USP48: variants seen among roughly 807,000 people sequenced by gnomAD.
The protein encoded by USP48 is ubiquitin carboxyl-terminal hydrolase 48.
Under a neutral mutation model 150.7 loss-of-function variants are expected in USP48, and 43 were observed. The observed-to-expected ratio is 0.29, with a 90% CI of 0.22 to 0.37. The LOEUF is 0.37. USP48 is among the 10% of genes least tolerant of loss of function. The probability of loss-of-function intolerance (pLI) is 1.00; values close to 1 mark genes in which losing one functional copy is unlikely to be tolerated. For missense variants in USP48, 813 were observed against 1,249.6 expected, an observed-to-expected ratio of 0.65 and a Z score of 5.27; for synonymous variants, 396 against 425.9, an observed-to-expected ratio of 0.93 and a Z score of 0.86.
chr1:21,711,872 A>C (rs1038279185), intron 15 of USP48, among the ~76,000 whole-genome samples: 1 of 152,266 alleles, frequency 6.6e-6, no homozygotes, highest in African/African-American at 2.4e-5. Context: ...TGGTACGTCC[A>C]GAGCACTACC....
chr1:21,776,896 G>A (rs1285647023), intron 1 of USP48, among the ~76,000 whole-genome samples: 7 of 150,342 alleles, frequency 4.7e-5, no homozygotes, highest in Non-Finnish European at 1.0e-4. Flanking sequence ...GCAGTGAGCC[G>A]AGTTTGTGCC....
At position 21,756,700 on chromosome 1, in the gene USP48, G is replaced by C. The variant is rs751658092; in HGVS notation, c.258C>G (p.Asn86Lys). The change falls in exon 3 of 27, where the codon AAC becomes AAG. Residue 86 changes from asparagine (N) to lysine (K), a missense_variant and splice_region_variant. Physicochemically the swap from Asn to Lys is moderately conservative, Grantham distance 94. Transcript: ENST00000308271. ...DDPNCERRKK[N>K]SFVGLTNLGA... ...CAAGGTTAGTCAGGCCCACAAATGA[G>C]TTCTACAAAAATACAAAATTCATAA... The C allele has an allele frequency of 6.2e-7, 1 of 1,612,948 alleles. No individual in the cohort carries two copies. Among genetic ancestry groups the C allele is most frequent in the South Asian group, 1.1e-5 (1 of 90,886 alleles).
intron 1 of USP48, among the ~76,000 whole-genome samples, chr1:21,773,962 AC>A (rs1368081610): frequency 6.6e-6 from 1 of 152,058 alleles, no homozygotes; most frequent in Non-Finnish European, 1.5e-5. Flanking sequence ...GCAAAGCAAG[AC>A]CCCATCTCTA....
chr1:21,699,771 C>T (rs1410061864), intron 22 of USP48, among the ~76,000 whole-genome samples: 1 of 151,850 alleles, frequency 6.6e-6, no homozygotes, highest in African/African-American at 2.4e-5. Flanking sequence ...CCGCCTCGGC[C>T]TTCCAAAATG....
At position 21,706,763 on chromosome 1, in the gene USP48, T is replaced by C; in HGVS notation, c.2069A>G (p.Glu690Gly). The part of the protein sequence containing the change: ...PKAPEFPSYK[E>G]CCSQCKILER... ...CAGTACCTTGCACTGTGAACAGCACTCTTTGTAACTTGGAAACTCAGGAGC... is the reference window on the plus strand; with the variant it reads ...CAGTACCTTGCACTGTGAACAGCACCCTTTGTAACTTGGAAACTCAGGAGC... The change falls in exon 16 of 27, where the codon GAG becomes GGG. Residue 690 changes from glutamate (E) to glycine (G), a missense_variant. Transcript: ENST00000308271. The C allele has an allele frequency of 6.2e-7, 1 of 1,612,782 alleles. No individual in the cohort carries two copies. Among genetic ancestry groups the C allele is most frequent in the Non-Finnish European group, 8.5e-7 (1 of 1,179,668 alleles).
chr1:21,750,556 T>C (rs1329148152), intron 6 of USP48, among the ~76,000 whole-genome samples: 3 of 152,116 alleles, frequency 2.0e-5, no homozygotes, highest in Non-Finnish European at 2.9e-5. Context: ...GCTGAAACAC[T>C]GCCTGACACA....
intron 14 of USP48, among the ~76,000 whole-genome samples, chr1:21,716,865 A>G (rs1379307330): frequency 6.6e-6 from 1 of 152,062 alleles, no homozygotes; most frequent in African/African-American, 2.4e-5. Context: ...CGTCTCTACT[A>G]AAAATACAAA....
At chr1:21,780,356 A>G (rs1167826913) in intron 1 of USP48, among the ~76,000 whole-genome samples, 1 of 152,150 alleles carries the variant, frequency 6.6e-6, no homozygotes, top group African/African-American at 2.4e-5. Flanking sequence ...AGAAATCCAG[A>G]GACAGAAAGT....
chr1:21,756,157 C>A (rs1306413047), intron 3 of USP48, among the ~76,000 whole-genome samples: 3 of 149,382 alleles, frequency 2.0e-5, no homozygotes, highest in African/African-American at 7.4e-5. Context: ...AAGTGTGAAA[C>A]TGTCTTAAAA....
chr1:21,724,137 G>GT (rs755766555), intron 11 of USP48, 42 bp from the exon 12 acceptor site: 51 of 1,586,224 alleles, frequency 3.2e-5, no homozygotes, highest in Non-Finnish European at 4.4e-5. Context: ...TATTTTTACA[G>GT]TTTTTTGACT....
At position 21,733,299 on chromosome 1, in the gene USP48, C is replaced by G. The variant is rs1230178185; in HGVS notation, c.1171+3147G>C. On this transcript the variant is annotated intron_variant, in intron 9 of 26. Coordinates refer to ENST00000308271, the MANE Select transcript of USP48 (RefSeq NM_032236.8). The stretch of plus-strand genomic sequence containing the variant: ...AGGCGTGGTGGCACGTGCCTGTAAT[C>G]CTAGTTACTCAGGAGGCTGAAGCAG... 2.6e-5 allele frequency among the ~76,000 whole-genome samples: 4 copies of G among 152,170 alleles called. No individual in the cohort carries two copies. The East Asian group carries it at 7.7e-4, about 29-fold the overall frequency.
At position 21,749,980 on chromosome 1, in the gene USP48, G is replaced by A. The variant is rs528475762; in HGVS notation, c.774+1527C>T. Among the ~76,000 whole-genome samples the A allele has an allele frequency of 2.1e-4, 32 of 152,084 alleles. No homozygotes were observed. The South Asian group carries it at 6.4e-3, about 31-fold the overall frequency. ...TGCTTATCACCTCTTCAGTTACCCCGTGGTCCAAGACACCATGCACTCCCA... is the reference window on the plus strand; with the variant it reads ...TGCTTATCACCTCTTCAGTTACCCCATGGTCCAAGACACCATGCACTCCCA... On this transcript the variant is annotated intron_variant, in intron 6 of 26. Transcript: ENST00000308271.
intron 25 of USP48, among the ~76,000 whole-genome samples, chr1:21,685,385 G>A (rs376094556): frequency 1.8e-4 from 27 of 149,570 alleles, no homozygotes; most frequent in African/African-American, 4.2e-4. Context: ...GCAGTGCTGC[G>A]ATCTTGGCTC....
chr1:21,719,895 A>G (rs774598553), intron 14 of USP48, among the ~76,000 whole-genome samples: 46 of 152,182 alleles, frequency 3.0e-4, no homozygotes, highest in Admixed American at 5.9e-4. Context: ...AAATAAATAA[A>G]TAAATAAAAT....
At chr1:21,736,736 C>T (rs1168844876) in intron 8 of USP48, 111 bp from the exon 9 acceptor site, 2 of 933,860 alleles carry the variant, frequency 2.1e-6, no homozygotes, top group Admixed American at 3.8e-5. Flanking sequence ...TAACTAAAAA[C>T]ATGTCACCTA....
chr1:21,735,606 A>T (rs2097767098), intron 9 of USP48, among the ~76,000 whole-genome samples: 1 of 152,146 alleles, frequency 6.6e-6, no homozygotes, highest in Non-Finnish European at 1.5e-5. Flanking sequence ...GAAAAAATTA[A>T]GGCCAGGTGC....
At chr1:21,757,119 T>C (rs918767438) in intron 2 of USP48, among the ~76,000 whole-genome samples, 8 of 152,222 alleles carry the variant, frequency 5.3e-5, no homozygotes, top group African/African-American at 1.9e-4. Context: ...TTTTAAAGAT[T>C]GGCGGTGGTA....
At chr1:21,718,714 C>T (rs1029619109) in intron 14 of USP48, among the ~76,000 whole-genome samples, 8 of 151,912 alleles carry the variant, frequency 5.3e-5, no homozygotes, top group African/African-American at 1.9e-4. Flanking sequence ...CATGCCACCA[C>T]GCCTGGATAA....
chr1:21,724,760 A>T (rs1237640635), intron 11 of USP48: 1 of 152,264 alleles, frequency 6.6e-6, no homozygotes, highest in Non-Finnish European at 1.5e-5. Context: ...TCGAGGATAA[A>T]GTACACTAGA....
Sources: gnomAD v4.1 joint callset for allele counts (sites outside exome capture counted in the v4.1 genomes callset) on GRCh38, gnomAD v4.1.1 for gene constraint, MANE v1.5 for transcripts, NCBI Gene and HGNC (gene_info 2026-07-23, HGNC 2026-07-21) for gene names.